Variants in NEGR1 observed in about 807,000 individuals in gnomAD.
NEGR1 encodes the protein neuronal growth regulator 1.
In NEGR1, 10 loss-of-function variants were observed where a neutral mutation model predicts 40.9. The ratio of observed to expected loss-of-function variants is 0.24; its 90% confidence interval spans 0.15 to 0.42. The LOEUF (loss-of-function observed/expected upper bound fraction) is 0.42, where lower values mean the gene tolerates loss of function less well. Among genes scored for constraint, NEGR1 ranks in the 10% least tolerant of loss-of-function variants. The pLI, the probability that NEGR1 is intolerant of heterozygous loss-of-function variation, is 1.00. For synonymous variants in NEGR1, 185 were observed against 166.8 expected (o/e 1.11, Z -0.84); for missense variants, 352 against 438.9 (o/e 0.80, Z 1.77).
chr1:72,234,540 G>A (rs1654485820), intron 1 of NEGR1, among the ~76,000 whole-genome samples: 1 of 151,940 alleles, frequency 6.6e-6, no homozygotes, highest in Non-Finnish European at 1.5e-5. Context: ...TCTGACAAAG[G>A]TCTAATATCC....
chr1:71,952,263 T>A (rs1214387945), intron 1 of NEGR1, among the ~76,000 whole-genome samples: 1 of 151,948 alleles, frequency 6.6e-6, no homozygotes, highest in African/African-American at 2.4e-5. Flanking sequence ...GCTAAAGTTT[T>A]TAAAGGAAAT....
chr1:72,124,130 A>T (rs549882467), intron 1 of NEGR1, among the ~76,000 whole-genome samples: 84 of 152,090 alleles, frequency 5.5e-4, no homozygotes, highest in Non-Finnish European at 1.1e-3. Context: ...TCTTGCCTTG[A>T]GTTTTCTTGA....
At position 71,407,486 on chromosome 1, in the gene NEGR1, A is replaced by G. The variant is rs773720428; in HGVS notation, c.1025T>C (p.Phe342Ser). 1.6e-5 allele frequency: 25 copies of G among 1,612,066 alleles called. No homozygotes were observed. Among genetic ancestry groups the G allele is most frequent in the South Asian group, 4.4e-5 (4 of 91,034 alleles). Residue 342 changes from phenylalanine to serine, a missense_variant, in exon 7 of 7, where the codon TTC (phenylalanine) becomes TCC (serine). This residue lies in a region of NEGR1 where 184 missense variants were observed against 208.7 expected (regional missense o/e 0.88). Transcript: ENST00000357731. ...ATTCTTCAGGTAGAATATGCTGGTG[A>G]AAGAGGACAGTGTCAACACAAGGTA... ...CWYLVLTLSS[F>S]TSIFYLKNAI...
At chr1:71,925,077 CA>C (rs1487231319) in intron 2 of NEGR1, among the ~76,000 whole-genome samples, 1 of 151,770 alleles carries the variant, frequency 6.6e-6, no homozygotes, top group Non-Finnish European at 1.5e-5. Context: ...GGTTGAGAGT[CA>C]AAAAATAAAA....
At position 71,490,537 on chromosome 1, in the gene NEGR1, G is replaced by A. The variant is rs139056273; in HGVS notation, c.941-82967C>T. Among the ~76,000 whole-genome samples, 13 of 152,032 alleles carry A rather than the reference G, an allele frequency of 8.6e-5. No homozygotes were observed. The East Asian group carries it at 1.7e-3, about 20-fold the overall frequency. ...GCTGGCAGAATTCACTGTTTCAAAC[G>A]TAAATCCCCAACAGTCTAAACCATT... On this transcript the variant is annotated intron_variant, in intron 6 of 6. Coordinates refer to ENST00000357731, the MANE Select transcript of NEGR1 (RefSeq NM_173808.3).
At chr1:71,859,592 G>A (rs1659881517) in intron 2 of NEGR1, among the ~76,000 whole-genome samples, 1 of 151,960 alleles carries the variant, frequency 6.6e-6, no homozygotes, top group African/African-American at 2.4e-5. Context: ...GAACATGACT[G>A]CGTTCCGATA....
At chr1:71,499,352 G>A (rs917924238) in intron 6 of NEGR1, among the ~76,000 whole-genome samples, 1 of 151,300 alleles carries the variant, frequency 6.6e-6, no homozygotes, top group African/African-American at 2.4e-5. Flanking sequence ...ACCTAGTGCA[G>A]AGAAGGCAAA....
At chr1:71,453,296 G>A in intron 6 of NEGR1, among the ~76,000 whole-genome samples, 1 of 152,122 alleles carries the variant, frequency 6.6e-6, no homozygotes, top group Non-Finnish European at 1.5e-5. Flanking sequence ...CCAAGGGCAT[G>A]CAGTGGGGTC....
At chr1:71,733,300 TG>T (rs976902333) in intron 3 of NEGR1, among the ~76,000 whole-genome samples, 5 of 151,810 alleles carry the variant, frequency 3.3e-5, no homozygotes, top group Admixed American at 3.3e-4. Context: ...GTTTTGAGGG[TG>T]GGCGTTGCTC....
At chr1:72,213,956 A>G (rs372163496) in intron 1 of NEGR1, among the ~76,000 whole-genome samples, 17 of 152,242 alleles carry the variant, frequency 1.1e-4, no homozygotes, top group African/African-American at 3.9e-4. Context: ...CATCGATGAG[A>G]AAATCCTCAA....
chr1:71,926,464 G>A (rs550941743), intron 2 of NEGR1, among the ~76,000 whole-genome samples: 50 of 151,934 alleles, frequency 3.3e-4, no homozygotes, highest in Non-Finnish European at 5.6e-4. Flanking sequence ...TTCATCTCAT[G>A]AGTAGATCCA....
chr1:72,176,878 A>G (rs1652186049), intron 1 of NEGR1, among the ~76,000 whole-genome samples: 1 of 152,060 alleles, frequency 6.6e-6, no homozygotes, highest in Non-Finnish European at 1.5e-5. Context: ...TAGTGGCTAC[A>G]AAATAGGAGC....
intron 6 of NEGR1, among the ~76,000 whole-genome samples, chr1:71,438,725 T>A (rs74089338): frequency 0.05 from 7,624 of 152,308 alleles, 401 homozygotes; most frequent in African/African-American, 0.13. Flanking sequence ...AGAAGCCTAG[T>A]AATCTTACAC....
chr1:71,534,289 G>C (rs992534723), intron 6 of NEGR1, among the ~76,000 whole-genome samples: 6 of 151,546 alleles, frequency 4.0e-5, no homozygotes, highest in African/African-American at 1.2e-4. Context: ...CGAACTATTG[G>C]TTTGAATAAT....
intron 6 of NEGR1, among the ~76,000 whole-genome samples, chr1:71,462,081 G>A (rs903494723): frequency 3.9e-5 from 6 of 152,020 alleles, no homozygotes; most frequent in African/African-American, 1.2e-4. Flanking sequence ...TTTTAAACTA[G>A]GTGTTATAAA....
At chr1:71,818,192 C>A (rs943906413) in intron 2 of NEGR1, among the ~76,000 whole-genome samples, 5 of 151,710 alleles carry the variant, frequency 3.3e-5, no homozygotes, top group African/African-American at 9.7e-5. Context: ...AGGTATATAC[C>A]CACAGGAATA....
In NEGR1 at chr1:71,553,752, A is replaced by C. The variant is rs574596085; in HGVS notation, c.940+39065T>G. Among the ~76,000 whole-genome samples, 401 of 151,668 alleles carry C rather than the reference A, an allele frequency of 2.6e-3. 1 individual carries two copies. Among genetic ancestry groups the C allele is most frequent in the Middle Eastern group, 6.8e-3 (2 of 294 alleles). On this transcript the variant is annotated intron_variant, in intron 6 of 6. Transcript: ENST00000357731. ...GTTGTTCACATGAGCCAACCTGGAA[A>C]AAAGTTTGATAGGTGATGGCTTTTA...
chr1:71,595,157 G>C (rs1000952050), intron 5 of NEGR1, among the ~76,000 whole-genome samples: 6 of 152,208 alleles, frequency 3.9e-5, no homozygotes, highest in Non-Finnish European at 8.8e-5. Context: ...TCCATACTCT[G>C]TATGTGTGGG....
intron 4 of NEGR1, among the ~76,000 whole-genome samples, chr1:71,666,094 C>T (rs1652231244): frequency 1.3e-5 from 2 of 152,180 alleles, no homozygotes; most frequent in Non-Finnish European, 2.9e-5. Flanking sequence ...ATATTAAACA[C>T]TATCACTGTT....
Sources: allele counts gnomAD v4.1 joint callset (sites outside exome capture counted in the v4.1 genomes callset), GRCh38; gene constraint gnomAD v4.1.1; regional missense constraint gnomAD v4.1.1; transcripts MANE v1.5; gene names NCBI Gene and HGNC (gene_info 2026-07-23, HGNC 2026-07-21).